The following LRCH3 variants were observed in gnomAD, a reference collection of about 807,000 sequenced individuals.
LRCH3 encodes the protein DISP complex protein LRCH3.
LRCH3 carries 68 observed loss-of-function variants against 104.5 expected under a neutral mutation model. The ratio of observed to expected loss-of-function variants is 0.65; its 90% CI spans 0.54 to 0.80. The LOEUF (loss-of-function observed/expected upper bound fraction) is 0.80. Ranked by LOEUF, LRCH3 falls within the 30% of genes least tolerant of loss-of-function variation. The probability of loss-of-function intolerance (pLI) is 0.00; values close to 1 mark genes in which losing one functional copy is unlikely to be tolerated. For missense variants in LRCH3, 951 were observed against 953.9 expected, an observed-to-expected ratio of 1.00 and a Z score of 0.04; for synonymous variants, 344 against 361.3, an observed-to-expected ratio of 0.95 and a Z score of 0.54.
chr3:197,873,077 T>C (rs1184693232), intron 19 of LRCH3, among the ~76,000 whole-genome samples: 1 of 152,180 alleles, frequency 6.6e-6, no homozygotes, highest in Non-Finnish European at 1.5e-5. Flanking sequence ...TTTGCACTGC[T>C]GGTCAGGTCT....
chr3:197,854,248 A>G lies in LRCH3; in HGVS notation c.1591-144A>G. 2 of 723,482 alleles carry G rather than the reference A, an allele frequency of 2.8e-6. No individual in the cohort carries two copies. The highest frequency in any genetic ancestry group is 1.7e-5 in the African/African-American group (1 of 57,388). The allele number at this position is 723,482 out of a possible 1,614,324, so 44.8% of individuals were successfully genotyped here. On this transcript the variant is annotated intron_variant, in intron 13 of 20. Transcript: ENST00000425562. This position sits in a 1 kb window ranked among gnomAD's most constrained non-coding sequence, Gnocchi z 4.5. ...GACTATTATAATGCATGAATTCCAG[A>G]TGATTGTGAATGTGGTCCTCTATGT...
chr3:197,870,380 T>G, intron 18 of LRCH3, 102 bp downstream of exon 18: 2 of 1,191,922 alleles, frequency 1.7e-6, no homozygotes, highest in Non-Finnish European at 2.3e-6. Context: ...ATTTATTTTT[T>G]TTTTAGACGG....
At chr3:197,844,898 C>T (rs1165868944) in intron 10 of LRCH3, among the ~76,000 whole-genome samples, 1 of 152,126 alleles carries the variant, frequency 6.6e-6, no homozygotes, top group African/African-American at 2.4e-5. Context: ...GCTGGGATTA[C>T]AGGCGGGAGC....
chr3:197,853,841 T>A (rs1442408842), intron 13 of LRCH3, among the ~76,000 whole-genome samples: 5 of 152,214 alleles, frequency 3.3e-5, no homozygotes, highest in Non-Finnish European at 1.5e-5. Flanking sequence ...TACTAACACA[T>A]TTTCGACAAC....
At chr3:197,839,557 G>A (rs1336935693) in intron 10 of LRCH3, among the ~76,000 whole-genome samples, 160 bp downstream of exon 10, 1 of 152,104 alleles carries the variant, frequency 6.6e-6, no homozygotes, top group Non-Finnish European at 1.5e-5. Flanking sequence ...CATAGAAAAG[G>A]TAAAAACTGA....
chr3:197,848,005 T>A lies in LRCH3; in HGVS notation c.1514T>A (p.Val505Asp). 6.2e-7 allele frequency: 1 copy of A among 1,614,098 alleles called. No individual in the cohort carries two copies. The highest frequency in any genetic ancestry group is 8.5e-7 in the Non-Finnish European group (1 of 1,179,978). The change falls in exon 12 of 21, where the codon GTC (valine) becomes GAC (aspartate). Residue 505 changes from valine (V) to aspartate (D), a missense_variant. Val to Asp is a radical substitution (Grantham distance 152). Transcript: ENST00000425562. ...ACCAAGCAGATCCAGAGAGATGCTG[T>A]CCTGGACTTTGTCAAAGTGAGTCGT... ...IRTKQIQRDA[V>D]LDFVKQKASQ...
chr3:197,882,549 C>G (rs1027254441), intron 20 of LRCH3: 11 of 922,398 alleles, frequency 1.2e-5, no homozygotes, highest in Non-Finnish European at 1.4e-5. Context: ...AAAAACCCAA[C>G]TAGTTGTTTT....
chr3:197,852,552 AT>A lies in LRCH3; in HGVS notation c.1531-7del. The A allele has an allele frequency of 1.2e-6, 2 of 1,613,674 alleles. No individual in the cohort carries two copies. The highest frequency in any genetic ancestry group is 2.2e-5 in the South Asian group (2 of 91,028). ...ACTTCCTTTTTTGGGGGGTTTTGGG[AT>A]TATACAGCAAAAAGCATCACAAAGT... On this transcript the variant is annotated splice_region_variant and splice_polypyrimidine_tract_variant and intron_variant, in intron 12 of 20. Transcript: ENST00000425562.
At chr3:197,797,480 T>A (rs1359371756) in intron 1 of LRCH3, among the ~76,000 whole-genome samples, 1 of 151,930 alleles carries the variant, frequency 6.6e-6, no homozygotes, top group Admixed American at 6.6e-5. Flanking sequence ...ATACCAGCAT[T>A]TTAAAAGGTG....
chr3:197,881,996 T>G, intron 20 of LRCH3: 1 of 985,468 alleles, frequency 1.0e-6, no homozygotes. Context: ...TGTCAGTAGG[T>G]GCCTTTCAGA....
intron 5 of LRCH3, among the ~76,000 whole-genome samples, chr3:197,828,615 G>A (rs1048682074): frequency 6.6e-6 from 1 of 151,172 alleles, no homozygotes; most frequent in African/African-American, 2.4e-5. Flanking sequence ...AAAGTGCTGG[G>A]ATTACAGGTG....
At chr3:197,846,765 A>T (rs1050235514) in intron 10 of LRCH3, among the ~76,000 whole-genome samples, 25 of 152,182 alleles carry the variant, frequency 1.6e-4, no homozygotes, top group African/African-American at 6.0e-4. Flanking sequence ...TTAGTTTCAG[A>T]CACAAAGATG....
intron 9 of LRCH3, among the ~76,000 whole-genome samples, chr3:197,836,998 T>TA (rs34983500): frequency 6.6e-5 from 10 of 151,970 alleles, no homozygotes; most frequent in African/African-American, 2.4e-4. Context: ...TTCTTTTTTT[T>TA]AAAAAAAGGG....
chr3:197,872,373 A>G (rs920575481), intron 19 of LRCH3, among the ~76,000 whole-genome samples: 2 of 151,430 alleles, frequency 1.3e-5, no homozygotes, highest in African/African-American at 4.8e-5. Flanking sequence ...AAAAAAAAAA[A>G]AAAAAAAGGA....
At chr3:197,793,162 T>A (rs908345756) in intron 1 of LRCH3, among the ~76,000 whole-genome samples, 7 of 152,248 alleles carry the variant, frequency 4.6e-5, no homozygotes, top group African/African-American at 1.7e-4. Context: ...ATTAAAAATT[T>A]ATAAGTATTA....
At chr3:197,865,391 A>G (rs763444510) in intron 15 of LRCH3, 32 bp from the exon 16 acceptor site, 1 of 1,427,714 alleles carries the variant, frequency 7.0e-7, no homozygotes, top group South Asian at 1.2e-5. Flanking sequence ...TTCTTGAATA[A>G]CAATTATTGA....
chr3:197,828,386 C>T (rs1301536810), intron 5 of LRCH3, among the ~76,000 whole-genome samples: 1 of 151,986 alleles, frequency 6.6e-6, no homozygotes, highest in Non-Finnish European at 1.5e-5. Context: ...CGCTCTGTTG[C>T]CCAGGCTGGA....
At chr3:197,837,638 C>T (rs961058017) in intron 9 of LRCH3, among the ~76,000 whole-genome samples, 5 of 152,056 alleles carry the variant, frequency 3.3e-5, no homozygotes, top group Admixed American at 3.3e-4. Context: ...ATACATAGAC[C>T]ATTCCTGTCT....
At chr3:197,863,969 A>G (rs1439382476) in intron 15 of LRCH3, among the ~76,000 whole-genome samples, 1 of 152,226 alleles carries the variant, frequency 6.6e-6, no homozygotes, top group Non-Finnish European at 1.5e-5. Flanking sequence ...ATCATTTTTC[A>G]TAGTCTTAGG....
Sources: gnomAD v4.1 joint callset for allele counts (sites outside exome capture counted in the v4.1 genomes callset) on GRCh38, gnomAD v4.1.1 for gene constraint, Gnocchi (gnomAD v3.1) non-coding constraint, MANE v1.5 for transcripts, NCBI Gene and HGNC (gene_info 2026-07-23, HGNC 2026-07-21) for gene names.